NSUN5: variants seen among roughly 807,000 people sequenced by gnomAD.
NSUN5 encodes 28S rRNA (cytosine-C(5))-methyltransferase.
NSUN5 carries 39 observed loss-of-function variants against 51.1 expected under a neutral mutation model. The ratio of observed to expected loss-of-function variants is 0.76; its 90% CI spans 0.59 to 1.00. The LOEUF is 1.00. NSUN5 is among the 50% of genes least tolerant of loss of function. NSUN5 has a pLI of 0.00. For synonymous variants in NSUN5, 266 were observed against 271.5 expected (o/e 0.98, Z 0.20); for missense variants, 526 against 614.0 (o/e 0.86, Z 1.51).
In NSUN5 at chr7:73,305,040, C is replaced by T. The variant is rs528770499; in HGVS notation, c.558G>A (p.Pro186=). ...GKHFLLDPLM[P]ELLVFPAQTD... Reference sequence around the variant, plus strand: ...TCTGGGCGGGAAACACCAGCAGCTCCGGCATCAAGGGGTCCAGGAGAAAAT... The same window carrying T: ...TCTGGGCGGGAAACACCAGCAGCTCTGGCATCAAGGGGTCCAGGAGAAAAT... Residue 186 remains proline, a synonymous_variant, in exon 5 of 10, where the codon CCG becomes CCA. Transcript: ENST00000438747. The T allele has an allele frequency of 4.3e-5, 70 of 1,610,520 alleles. 1 individual carries two copies. Among genetic ancestry groups the T allele is most frequent in the South Asian group, 4.0e-4 (36 of 90,966 alleles).
At position 73,303,744 on chromosome 7, in the gene NSUN5, C is replaced by T. The variant is rs1554541182; in HGVS notation, c.1146-4G>A. 11 of 1,614,020 alleles carry T rather than the reference C, an allele frequency of 6.8e-6. No homozygotes were observed. The highest frequency in any genetic ancestry group is 8.5e-6 in the Non-Finnish European group (10 of 1,179,938). ...GGCAGGCAGGGCGGGAGCTAGCCTG[C>T]AAGAGAAACGGCCCCAATGCTGGGT... On this transcript the variant is annotated splice_polypyrimidine_tract_variant and splice_region_variant and intron_variant, in intron 8 of 9. Transcript: ENST00000438747.
chr7:73,304,438 G>T (rs782253010), intron 6 of NSUN5, 30 bp from the exon 7 acceptor site: 1 of 1,586,602 alleles, frequency 6.3e-7, no homozygotes, highest in Non-Finnish European at 8.6e-7. Flanking sequence ...AGCTGAGCAC[G>T]CATGGAGCAG....
intron 4 of NSUN5, among the ~76,000 whole-genome samples, chr7:73,306,646 A>G (rs1341276219): frequency 1.5e-4 from 23 of 152,058 alleles, no homozygotes; most frequent in African/African-American, 5.5e-4. Flanking sequence ...TTGGGAGACC[A>G]AGGCGGGCAG....
At position 73,304,841 on chromosome 7, in the gene NSUN5, G is replaced by A; in HGVS notation, c.661C>T (p.Leu221=). Reference sequence around the variant, plus strand: ...TGGGAGCCTGGCGGGGGGTCCAGCAGCATGGCTGGGAGACAGCTGGCCTGG... The same window carrying A: ...TGGGAGCCTGGCGGGGGGTCCAGCAACATGGCTGGGAGACAGCTGGCCTGG... ...QDRASCLPAM[L]LDPPPGSHVI... is the part of the protein sequence containing the mutation. Residue 221 remains leucine, a synonymous_variant, in exon 6 of 10, where the codon CTG becomes TTG. Coordinates refer to ENST00000438747, the MANE Select transcript of NSUN5 (RefSeq NM_148956.4). 1 of 1,613,934 alleles carries A rather than the reference G, an allele frequency of 6.2e-7. No homozygotes were observed. The highest frequency in any genetic ancestry group is 8.5e-7 in the Non-Finnish European group (1 of 1,179,848).
chr7:73,304,311 C>T lies in NSUN5; in HGVS notation c.853G>A (p.Asp285Asn), dbSNP rs369544582. The stretch of plus-strand genomic sequence containing the variant: ...TCCGAGGGGGAGACCGCCAGGAAGT[C>T]CTCCTCAGCCAGTTCACAGCAAGAG... ...GVSCCELAEE[D>N]FLAVSPSDPR... The change falls in exon 7 of 10, where the codon GAC becomes AAC. Residue 285 changes from aspartate to asparagine, a missense_variant. By Grantham distance (23) the Asp-to-Asn change is conservative (BLOSUM62 1). Transcript: ENST00000438747. 1.2e-6 allele frequency: 2 copies of T among 1,614,086 alleles called. No homozygotes were observed. The highest frequency in any genetic ancestry group is 2.2e-5 in the South Asian group (2 of 91,088).
chr7:73,303,767 G>C, intron 8 of NSUN5, 27 bp from the exon 9 acceptor site: 1 of 1,613,820 alleles, frequency 6.2e-7, no homozygotes, highest in Non-Finnish European at 8.5e-7. Context: ...CCCAATGCTG[G>C]GTAAGAGAGC....
rs567411065 is a variant in NSUN5, at chr7:73,306,878, A to C, written c.500+516T>G. The stretch of plus-strand genomic sequence containing the variant: ...CAGAGTGAGACTCAGTCTAAAAAAA[A>C]AAGAGAGAAAGGAGTGGAGCTGAGA... On this transcript the variant is annotated intron_variant, in intron 4 of 9. Transcript: ENST00000438747. Among the ~76,000 whole-genome samples the C allele has an allele frequency of 2.6e-5, 4 of 152,188 alleles. No homozygotes were observed. The South Asian group carries it at 8.3e-4, about 32-fold the overall frequency.
Position 73,304,867 on chromosome 7 carries a change from C to T in NSUN5, c.640-5G>A, listed in dbSNP as rs781828536. ...CATGGCTGGGAGACAGCTGGCCTGG[C>T]AGGCAGAGCACAGGAGCCAGGTAAA... On this transcript the variant is annotated splice_region_variant and splice_polypyrimidine_tract_variant and intron_variant, in intron 5 of 9. Coordinates refer to ENST00000438747, the MANE Select transcript of NSUN5 (RefSeq NM_148956.4). The T allele has an allele frequency of 5.6e-6, 9 of 1,613,818 alleles. No individual in the cohort carries two copies. In the Admixed American group the frequency reaches 1.2e-4, roughly 21 times the overall value.
At chr7:73,306,607 T>C (rs1165869453) in intron 4 of NSUN5, among the ~76,000 whole-genome samples, 1 of 150,912 alleles carries the variant, frequency 6.6e-6, no homozygotes, top group Non-Finnish European at 1.5e-5. Context: ...AGGCCAGATG[T>C]GGTGGCTCAC....
rs575330617 is a variant in NSUN5 at position 73,304,795 on chromosome 7, G to A, written c.707C>T (p.Ala236Val). ...PGSHVIDACA[A>V]PGNKTSHLAA... ...CAAGTGACTGGTCTTATTGCCTGGG[G>A]CGGCACAGGCATCGATGACATGGGA... The change falls in exon 6 of 10, where the codon GCC becomes GTC. Residue 236 changes from alanine (A) to valine (V), a missense_variant. Coordinates refer to ENST00000438747, the MANE Select transcript of NSUN5 (RefSeq NM_148956.4). 1.9e-6 allele frequency: 3 copies of A among 1,613,890 alleles called. No individual in the cohort carries two copies. The highest frequency in any genetic ancestry group is 2.7e-5 in the African/African-American group (2 of 75,048).
rs782596244 is a variant in NSUN5, at chr7:73,304,278, A to T, written c.886T>A (p.Tyr296Asn). The T allele has an allele frequency of 8.1e-6, 13 of 1,614,006 alleles. No individual in the cohort carries two copies. The highest frequency in any genetic ancestry group is 1.0e-5 in the Non-Finnish European group (12 of 1,180,004). Residue 296 changes from tyrosine (Y) to asparagine (N), a missense_variant, in exon 7 of 10, where the codon TAC (tyrosine) becomes AAC (asparagine). Coordinates refer to ENST00000438747, the MANE Select transcript of NSUN5 (RefSeq NM_148956.4). ...FLAVSPSDPRYHEVHYILLDP... is the reference protein window; with the variant it reads ...FLAVSPSDPRNHEVHYILLDP... ...AGCAGGATGTAGTGGACCTCATGGT[A>T]GCGTGGATCCGAGGGGGAGACCGCC...
chr7:73,303,393 A>G lies in NSUN5; in HGVS notation c.*22T>C. 2 of 1,614,052 alleles carry G rather than the reference A, an allele frequency of 1.2e-6. No individual in the cohort carries two copies. The highest frequency in any genetic ancestry group is 1.1e-5 in the South Asian group (1 of 91,080). Reference sequence around the variant, plus strand: ...CAGGCATCTTCCTTTCCCACCAGGAAGGAGTCAGCCCGGAGCCTCTGCTAT... The same window carrying G: ...CAGGCATCTTCCTTTCCCACCAGGAGGGAGTCAGCCCGGAGCCTCTGCTAT... On this transcript the variant is annotated 3_prime_UTR_variant, in exon 10 of 10. Transcript: ENST00000438747.
At position 73,303,631 on chromosome 7, in the gene NSUN5, C is replaced by T. The variant is rs367998478; in HGVS notation, c.1255G>A (p.Val419Ile). Residue 419 changes from valine (V) to isoleucine (I), a missense_variant, in exon 9 of 10, where the codon GTT (valine) becomes ATT (isoleucine). Val to Ile is a conservative substitution (Grantham distance 29). Coordinates refer to ENST00000438747, the MANE Select transcript of NSUN5 (RefSeq NM_148956.4). The stretch of plus-strand genomic sequence containing the variant: ...ACCTCGACCCGTTCAATTACAGCAA[C>T]GAAGAAGCCACTGCTGAGTGTGGTC... ...PETTLSSGFF[V>I]AVIERVEVPS... The T allele has an allele frequency of 9.3e-6, 15 of 1,614,196 alleles. No individual in the cohort carries two copies. Among genetic ancestry groups the T allele is most frequent in the Non-Finnish European group, 5.9e-6 (7 of 1,180,026 alleles).
At chr7:73,307,171 T>C (rs1262541099) in intron 4 of NSUN5, among the ~76,000 whole-genome samples, 1 of 151,600 alleles carries the variant, frequency 6.6e-6, no homozygotes, top group African/African-American at 2.4e-5. Context: ...GAGGCAGGAG[T>C]TAAAGCTAGA....
intron 4 of NSUN5, among the ~76,000 whole-genome samples, chr7:73,306,664 G>C (rs1804053258): frequency 6.6e-6 from 1 of 152,158 alleles, no homozygotes; most frequent in African/African-American, 2.4e-5. Flanking sequence ...CAGATCACCT[G>C]AGTTCAGGAG....
At chr7:73,307,006 C>T (rs1554541897) in intron 4 of NSUN5, among the ~76,000 whole-genome samples, 1 of 151,656 alleles carries the variant, frequency 6.6e-6, no homozygotes, top group Non-Finnish European at 1.5e-5. Context: ...ATGGTGACAT[C>T]TGTTAGATTT....
At chr7:73,308,328 G>A (rs1327040943) in intron 2 of NSUN5, 103 bp downstream of exon 2, 11 of 1,415,962 alleles carry the variant, frequency 7.8e-6, no homozygotes, top group African/African-American at 5.7e-5. Flanking sequence ...CATTTCAGAT[G>A]AGCGACTTGC....
chr7:73,307,551 C>CCGGG, intron 3 of NSUN5, 32 bp downstream of exon 3: 2 of 1,211,560 alleles, frequency 1.7e-6, no homozygotes, highest in Admixed American at 1.8e-5. Context: ...AAGTTCCCCG[C>CCGGG]CTCCCCCACC....
chr7:73,303,066 A>C lies in NSUN5; in HGVS notation c.*349T>G, dbSNP rs1397814132. 241 of 1,364,728 alleles carry C rather than the reference A, an allele frequency of 1.8e-4. 5 individuals are homozygous for C. In the South Asian group the frequency reaches 3.7e-3, roughly 21 times the overall value. The allele number at this position is 1,364,728 out of a possible 1,614,324, so 84.5% of individuals were successfully genotyped here. On this transcript the variant is annotated 3_prime_UTR_variant, in exon 10 of 10. Coordinates refer to ENST00000438747, the MANE Select transcript of NSUN5 (RefSeq NM_148956.4). ...GGTCCGGGAACCCTGAGTGAGTGTG[A>C]GTGTGGATGTGTACAGTACACGCAC...
Sources: allele counts gnomAD v4.1 joint callset (sites outside exome capture counted in the v4.1 genomes callset), GRCh38; gene constraint gnomAD v4.1.1; transcripts MANE v1.5; gene names NCBI Gene and HGNC (gene_info 2026-07-23, HGNC 2026-07-21).